IGSF21: variants seen among roughly 807,000 people sequenced by gnomAD.
The protein encoded by IGSF21 is immunoglobulin superfamily member 21.
IGSF21 carries 28 observed loss-of-function variants against 46.8 expected under a neutral mutation model. The ratio of observed to expected loss-of-function variants is 0.60; its 90% CI spans 0.44 to 0.82. The LOEUF (loss-of-function observed/expected upper bound fraction) is 0.82. Ranked by LOEUF, IGSF21 falls within the 40% of genes least tolerant of loss-of-function variation. The pLI, the probability that IGSF21 is intolerant of heterozygous loss-of-function variation, is 0.00. For missense variants in IGSF21, 624 were observed against 665.5 expected, an observed-to-expected ratio of 0.94 and a Z score of 0.69; for synonymous variants, 284 against 273.6, an observed-to-expected ratio of 1.04 and a Z score of -0.38.
At chr1:18,336,077 G>A (rs1163977642) in intron 4 of IGSF21, among the ~76,000 whole-genome samples, 1 of 152,232 alleles carries the variant, frequency 6.6e-6, no homozygotes, top group East Asian at 1.9e-4. Flanking sequence ...TCTGATGAGA[G>A]ACATGTACTT....
At chr1:18,320,513 T>C (rs1409446243) in intron 3 of IGSF21, among the ~76,000 whole-genome samples, 1 of 152,202 alleles carries the variant, frequency 6.6e-6, no homozygotes, top group African/African-American at 2.4e-5. Flanking sequence ...GAGTCAGGTT[T>C]GGCCCCGGGT....
At chr1:18,201,039 T>C (rs2087068807) in intron 1 of IGSF21, among the ~76,000 whole-genome samples, 2 of 152,196 alleles carry the variant, frequency 1.3e-5, no homozygotes, top group African/African-American at 4.8e-5. Flanking sequence ...ATAGTGTCCC[T>C]TTCTCACTAA....
chr1:18,148,628 CT>C (rs1369687894), intron 1 of IGSF21, among the ~76,000 whole-genome samples: 2 of 152,160 alleles, frequency 1.3e-5, no homozygotes, highest in African/African-American at 4.8e-5. Context: ...AGCCAGGTCT[CT>C]TTTGTTTCCT....
chr1:18,351,834 T>C (rs2124620934), intron 4 of IGSF21, among the ~76,000 whole-genome samples: 1 of 152,334 alleles, frequency 6.6e-6, no homozygotes, highest in South Asian at 2.1e-4. Flanking sequence ...ACGGCACCTG[T>C]CGTGGGGCTT....
chr1:18,328,936 A>T (rs2085684873), intron 3 of IGSF21, among the ~76,000 whole-genome samples: 1 of 152,290 alleles, frequency 6.6e-6, no homozygotes, highest in Non-Finnish European at 1.5e-5. Context: ...AACCTCAGTC[A>T]TCAGAATTAA....
chr1:18,338,738 G>C (rs2085797863), intron 4 of IGSF21, among the ~76,000 whole-genome samples: 1 of 152,154 alleles, frequency 6.6e-6, no homozygotes, highest in African/African-American at 2.4e-5. Flanking sequence ...GGAGTCCCGT[G>C]GGTGACACCA....
At chr1:18,246,371 T>G (rs765657541) in intron 2 of IGSF21, among the ~76,000 whole-genome samples, 10 of 152,122 alleles carry the variant, frequency 6.6e-5, no homozygotes, top group Non-Finnish European at 1.5e-4. Flanking sequence ...CTCCGTCTCA[T>G]CACTGCACTG....
chr1:18,300,008 T>C (rs1394594427), intron 3 of IGSF21, among the ~76,000 whole-genome samples: 1 of 152,144 alleles, frequency 6.6e-6, no homozygotes, highest in Non-Finnish European at 1.5e-5. Context: ...GAGGATCACT[T>C]GAGCTCAGGA....
chr1:18,370,326 C>T (rs1357493984), intron 6 of IGSF21, among the ~76,000 whole-genome samples: 3 of 152,140 alleles, frequency 2.0e-5, no homozygotes, highest in East Asian at 1.9e-4. Flanking sequence ...TGATTTTTGC[C>T]AAAGACCCCC....
chr1:18,177,409 G>C (rs1341061540), intron 1 of IGSF21, among the ~76,000 whole-genome samples: 52 of 33,926 alleles, frequency 1.5e-3, no homozygotes, highest in Admixed American at 6.1e-3. Flanking sequence ...GTGTGTGTGT[G>C]TGTGTGTGTG....
At chr1:18,131,569 C>G (rs909897596) in intron 1 of IGSF21, among the ~76,000 whole-genome samples, 5 of 152,186 alleles carry the variant, frequency 3.3e-5, no homozygotes, top group Admixed American at 6.5e-5. Flanking sequence ...TTATATTAGC[C>G]ATGGTAACAC....
intron 4 of IGSF21, among the ~76,000 whole-genome samples, chr1:18,358,186 C>T (rs1221206163): frequency 7.0e-6 from 1 of 143,544 alleles, no homozygotes; most frequent in Non-Finnish European, 1.6e-5. Context: ...GTAGCCAAAC[C>T]TGTGCTTCTC....
chr1:18,112,050 G>T (rs1368684211), intron 1 of IGSF21: 1 of 152,318 alleles, frequency 6.6e-6, no homozygotes, highest in Non-Finnish European at 1.5e-5. Flanking sequence ...GAGGAGCTTA[G>T]GGGACTTGCT....
Position 18,159,739 on chromosome 1 carries a change from G to C in IGSF21, c.70+51541G>C, listed in dbSNP as rs1425962683. 2.7e-5 allele frequency among the ~76,000 whole-genome samples: 4 copies of C among 149,416 alleles called. No individual in the cohort carries two copies. The East Asian group carries it at 5.9e-4, about 22-fold the overall frequency. On this transcript the variant is annotated intron_variant, in intron 1 of 9. Transcript: ENST00000251296. ...GCTCTGTCACCCAGGCTGGAGTGCA[G>C]TGGTGTGATCTCGGCTCACTGCAAC...
Position 18,365,595 on chromosome 1 carries a change from C to T in IGSF21, c.913C>T (p.Leu305Phe), listed in dbSNP as rs763992096. 1.2e-6 allele frequency: 2 copies of T among 1,614,074 alleles called. No individual in the cohort carries two copies. The highest frequency in any genetic ancestry group is 1.7e-6 in the Non-Finnish European group (2 of 1,180,044). The change falls in exon 6 of 10, where the codon CTC (leucine) becomes TTC (phenylalanine). Residue 305 changes from leucine to phenylalanine, a missense_variant. Coordinates refer to ENST00000251296, the MANE Select transcript of IGSF21 (RefSeq NM_032880.5). The surrounding 1 kb of genome is among the most constrained non-coding windows in gnomAD (Gnocchi z 4.8). ...SDGTVEVRAL[L>F]TWTLNPQIDN... ...CGGCACTGTGGAAGTACGTGCCCTG[C>T]TCACCTGGACCCTCAACCCACAGAT...
intron 1 of IGSF21, among the ~76,000 whole-genome samples, chr1:18,195,906 G>A (rs1167530651): frequency 6.6e-6 from 1 of 152,232 alleles, no homozygotes; most frequent in Non-Finnish European, 1.5e-5. Context: ...TATGGTATGG[G>A]AGGGAGGCAG....
intron 1 of IGSF21, among the ~76,000 whole-genome samples, chr1:18,172,991 TA>T (rs943421855): frequency 2.3e-4 from 35 of 152,276 alleles, no homozygotes; most frequent in African/African-American, 7.7e-4. Flanking sequence ...TTTCACATTT[TA>T]AAAAAACAGC....
At chr1:18,142,595 C>T (rs1006993196) in intron 1 of IGSF21, among the ~76,000 whole-genome samples, 6 of 152,212 alleles carry the variant, frequency 3.9e-5, no homozygotes, top group Non-Finnish European at 7.3e-5. Flanking sequence ...CCCAACCAGG[C>T]CTCAGCTGAG....
In IGSF21 at chr1:18,336,445, C is replaced by T. The variant is rs1367212140; in HGVS notation, c.424+1435C>T. Among the ~76,000 whole-genome samples the T allele has an allele frequency of 3.3e-5, 5 of 152,168 alleles. No individual in the cohort carries two copies. The East Asian group carries it at 7.7e-4, about 23-fold the overall frequency. The stretch of plus-strand genomic sequence containing the variant: ...CCATTTTGCAGATGCAGAAATGGAT[C>T]ACAGAGAAAGCAAGCAACTTGCCTA... On this transcript the variant is annotated intron_variant, in intron 4 of 9. Transcript: ENST00000251296.
Sources: allele counts gnomAD v4.1 joint callset (sites outside exome capture counted in the v4.1 genomes callset), GRCh38; gene constraint gnomAD v4.1.1; non-coding constraint Gnocchi (gnomAD v3.1); transcripts MANE v1.5; gene names NCBI Gene and HGNC (gene_info 2026-07-23, HGNC 2026-07-21).